The following CYTH3 variants were observed in gnomAD, a reference collection of about 807,000 sequenced individuals.
CYTH3 encodes the protein cytohesin 3, also known as cytohesin-3.
CYTH3 carries 23 observed loss-of-function variants against 55.1 expected under a neutral mutation model. The observed-to-expected ratio is 0.42, with a 90% confidence interval of 0.30 to 0.59. CYTH3 has a LOEUF of 0.59. CYTH3 is among the 20% of genes least tolerant of loss of function. The pLI, the probability that CYTH3 is intolerant of heterozygous loss-of-function variation, is 0.20. For missense variants in CYTH3, 413 were observed against 524.8 expected (o/e 0.79, Z 2.08); for synonymous variants, 249 against 194.9 (o/e 1.28, Z -2.31).
intron 4 of CYTH3, among the ~76,000 whole-genome samples, chr7:6,179,902 AC>A (rs1783461774): frequency 1.4e-5 from 2 of 141,248 alleles, no homozygotes; most frequent in African/African-American, 5.3e-5. Context: ...ACACCCACAC[AC>A]AACCACACAC....
intron 1 of CYTH3, among the ~76,000 whole-genome samples, chr7:6,191,716 A>C (rs1783808508): frequency 1.3e-5 from 2 of 151,166 alleles, no homozygotes; most frequent in Non-Finnish European, 2.9e-5. Context: ...CCAGGGAAGG[A>C]CTTCTTAAAC....
In CYTH3 at chr7:6,238,162, G is replaced by C. The variant is rs1031309252; in HGVS notation, c.34+34312C>G. On this transcript the variant is annotated intron_variant, in intron 1 of 12. Transcript: ENST00000350796. The stretch of plus-strand genomic sequence containing the variant: ...ACAGAACTTACTCCAACCAGAATAA[G>C]AATGAACTACTACTATTTTAAGAGT... Among the ~76,000 whole-genome samples, 20 of 152,280 alleles carry C rather than the reference G, an allele frequency of 1.3e-4. No individual in the cohort carries two copies. The South Asian group carries it at 4.1e-3, about 32-fold the overall frequency.
In CYTH3 at chr7:6,167,460, C is replaced by G. The variant is rs1019703498; in HGVS notation, c.824-1650G>C. On this transcript the variant is annotated intron_variant, in intron 9 of 12. Transcript: ENST00000350796. This position sits in a 1 kb window ranked among gnomAD's most constrained non-coding sequence, Gnocchi z 5.5. Reference sequence around the variant, plus strand: ...ACTACCCTGACATCCGTCACTGTCACGGTCGCCTCTGCTTCCCTCCAGAGA... The same window carrying G: ...ACTACCCTGACATCCGTCACTGTCAGGGTCGCCTCTGCTTCCCTCCAGAGA... Among the ~76,000 whole-genome samples the G allele has an allele frequency of 6.6e-6, 1 of 152,268 alleles. No homozygotes were observed. The highest frequency in any genetic ancestry group is 2.4e-5 in the African/African-American group (1 of 41,474).
chr7:6,259,813 A>ATAAT (rs1321305490), intron 1 of CYTH3, among the ~76,000 whole-genome samples: 1 of 25,454 alleles, frequency 3.9e-5, no homozygotes, highest in Non-Finnish European at 5.3e-5. Flanking sequence ...ATATATATAT[A>ATAAT]ATATATATAT....
intron 1 of CYTH3, among the ~76,000 whole-genome samples, chr7:6,246,775 A>C (rs1232319457): frequency 6.7e-6 from 1 of 148,596 alleles, no homozygotes; most frequent in Non-Finnish European, 1.5e-5. Flanking sequence ...TTTCCATTAC[A>C]TATCTTCTCT....
Position 6,170,287 on chromosome 7 carries a change from C to T in CYTH3, c.823+248G>A, listed in dbSNP as rs574882757. ...TGGCTGGATCTGGATGCTAACTCAG[C>T]AGTTTTCTGGGACGGGCCGTGCAGC... On this transcript the variant is annotated intron_variant, in intron 9 of 12. Transcript: ENST00000350796. The surrounding 1 kb of genome is among the most constrained non-coding windows in gnomAD (Gnocchi z 7.8). The T allele has an allele frequency of 2.7e-5, 14 of 511,754 alleles. No homozygotes were observed. Among genetic ancestry groups the T allele is most frequent in the South Asian group, 2.2e-4 (8 of 36,368 alleles). 31.7% of individuals were successfully genotyped at this position (511,754 alleles called of 1,614,324 possible).
chr7:6,177,257 T>G (rs1783375689), intron 5 of CYTH3, among the ~76,000 whole-genome samples: 1 of 152,216 alleles, frequency 6.6e-6, no homozygotes, highest in Admixed American at 6.5e-5. Context: ...CCGCCCAACT[T>G]TAGGAACTAC....
At chr7:6,207,239 C>T (rs1246133091) in intron 1 of CYTH3, among the ~76,000 whole-genome samples, 3 of 151,816 alleles carry the variant, frequency 2.0e-5, no homozygotes, top group African/African-American at 7.3e-5. Context: ...GGACTACAGG[C>T]ACCTGCCACC....
intron 1 of CYTH3, among the ~76,000 whole-genome samples, chr7:6,261,997 G>A (rs756538966): frequency 1.3e-5 from 2 of 151,774 alleles, no homozygotes; most frequent in Non-Finnish European, 2.9e-5. Flanking sequence ...AAAAATGCCA[G>A]CAGAAAATTG....
At position 6,265,541 on chromosome 7, in the gene CYTH3, C is replaced by G. The variant is rs138913901; in HGVS notation, c.34+6933G>C. On this transcript the variant is annotated intron_variant, in intron 1 of 12. Transcript: ENST00000350796. ...GGCTGAGGCAGGAGAATCACTTGAG[C>G]CCAGGAAGCGGATGTTGCAGTGAGC... 5.2e-3 allele frequency among the ~76,000 whole-genome samples: 783 copies of G among 151,576 alleles called. 8 individuals are homozygous for G. Among genetic ancestry groups the G allele is most frequent in the African/African-American group, 0.017 (719 of 41,262 alleles).
intron 1 of CYTH3, among the ~76,000 whole-genome samples, chr7:6,235,517 A>G (rs1284363530): frequency 6.6e-6 from 1 of 150,662 alleles, no homozygotes; most frequent in Non-Finnish European, 1.5e-5. Context: ...TAGATCATGC[A>G]CCACATCTCA....
intron 1 of CYTH3, among the ~76,000 whole-genome samples, chr7:6,236,074 G>C (rs1779514243): frequency 6.6e-6 from 1 of 152,154 alleles, no homozygotes; most frequent in African/African-American, 2.4e-5. Flanking sequence ...CTGACTACCT[G>C]ATACTTAACT....
intron 1 of CYTH3, among the ~76,000 whole-genome samples, chr7:6,233,349 C>T (rs1025851289): frequency 3.0e-4 from 46 of 152,198 alleles, no homozygotes; most frequent in Non-Finnish European, 5.4e-4. Context: ...TCTAAGAGGT[C>T]ACCAAATCCT....
chr7:6,248,055 A>G (rs754904484), intron 1 of CYTH3, among the ~76,000 whole-genome samples: 1 of 151,962 alleles, frequency 6.6e-6, no homozygotes. Flanking sequence ...CTTGAAGTTT[A>G]TTAAGAACAG....
intron 1 of CYTH3, among the ~76,000 whole-genome samples, chr7:6,206,426 T>C (rs1399043859): frequency 6.6e-6 from 1 of 152,158 alleles, no homozygotes; most frequent in African/African-American, 2.4e-5. Context: ...TTTGTGTTGA[T>C]AGGAATCAAA....
chr7:6,212,374 G>C (rs1188467808), intron 1 of CYTH3, among the ~76,000 whole-genome samples: 2 of 152,040 alleles, frequency 1.3e-5, no homozygotes, highest in African/African-American at 2.4e-5. Flanking sequence ...TCCATCTCTA[G>C]AACTTTTTCA....
chr7:6,246,728 T>C (rs1779829993), intron 1 of CYTH3, among the ~76,000 whole-genome samples: 1 of 151,186 alleles, frequency 6.6e-6, no homozygotes, highest in Non-Finnish European at 1.5e-5. Context: ...AGATTTATTA[T>C]TGTTGGCATT....
chr7:6,260,163 C>A (rs1310603099), intron 1 of CYTH3, among the ~76,000 whole-genome samples: 2 of 151,744 alleles, frequency 1.3e-5, no homozygotes, highest in Non-Finnish European at 2.9e-5. Flanking sequence ...TTTTAGGGTA[C>A]TTTGACAAAA....
chr7:6,179,733 ACCCACCACACACACCCCACACC>A (rs1783442143), intron 4 of CYTH3, among the ~76,000 whole-genome samples: 4 of 92,802 alleles, frequency 4.3e-5, no homozygotes, highest in South Asian at 3.9e-4. Flanking sequence ...ACACACACAC[ACCCACCACACACACCCCACACC>A]CCCACCACAC....
Sources: gnomAD v4.1 joint callset for allele counts (sites outside exome capture counted in the v4.1 genomes callset) on GRCh38, gnomAD v4.1.1 for gene constraint, Gnocchi (gnomAD v3.1) non-coding constraint, MANE v1.5 for transcripts, NCBI Gene and HGNC (gene_info 2026-07-23, HGNC 2026-07-21) for gene names.